Variants in STK4 observed in about 807,000 individuals in gnomAD.
STK4 encodes serine/threonine-protein kinase 4.
STK4 carries 30 observed loss-of-function variants against 64.9 expected under a neutral mutation model. The observed-to-expected ratio is 0.46, with a 90% CI of 0.35 to 0.63. The LOEUF (loss-of-function observed/expected upper bound fraction) is 0.63. STK4 is among the 20% of genes least tolerant of loss of function. The pLI, the probability that STK4 is intolerant of heterozygous loss-of-function variation, is 0.01. For synonymous variants in STK4, 177 were observed against 199.0 expected (o/e 0.89, Z 0.93); for missense variants, 466 against 598.5 (o/e 0.78, Z 2.31).
At chr20:45,017,448 A>T (rs1469918273) in intron 9 of STK4, among the ~76,000 whole-genome samples, 2 of 152,230 alleles carry the variant, frequency 1.3e-5, no homozygotes, top group Non-Finnish European at 2.9e-5. Flanking sequence ...TGACTCAGAT[A>T]TGCAGGAAGG....
intron 4 of STK4, among the ~76,000 whole-genome samples, chr20:44,986,571 A>C (rs1048334703): frequency 1.3e-5 from 2 of 152,218 alleles, no homozygotes; most frequent in African/African-American, 4.8e-5. Context: ...TTACATTTTA[A>C]TTATAGCTTC....
chr20:45,025,738 TG>T (rs1332078105), intron 10 of STK4, among the ~76,000 whole-genome samples: 3 of 152,184 alleles, frequency 2.0e-5, no homozygotes. Context: ...ATTTTCTTCT[TG>T]ACTATTACTA....
At chr20:45,023,932 G>T (rs1235636119) in intron 9 of STK4, among the ~76,000 whole-genome samples, 1 of 122,890 alleles carries the variant, frequency 8.1e-6, no homozygotes, top group Non-Finnish European at 1.6e-5. Context: ...ACAGAGTCTC[G>T]CTCTGTCACC....
chr20:45,014,931 C>A (rs932456663), intron 9 of STK4, among the ~76,000 whole-genome samples: 2 of 152,128 alleles, frequency 1.3e-5, no homozygotes, highest in South Asian at 2.1e-4. Context: ...GATGATGATT[C>A]CTCTTTAAAA....
chr20:45,070,621 C>G (rs1979974377), intron 10 of STK4, among the ~76,000 whole-genome samples: 1 of 152,124 alleles, frequency 6.6e-6, no homozygotes, highest in African/African-American at 2.4e-5. Context: ...CGTGGTGGCT[C>G]ACACCTGTAA....
intron 9 of STK4, among the ~76,000 whole-genome samples, chr20:45,023,935 C>CT (rs1314022989): frequency 1.5e-5 from 2 of 132,610 alleles, no homozygotes; most frequent in Non-Finnish European, 3.1e-5. Context: ...GAGTCTCGCT[C>CT]TGTCACCCAG....
intron 5 of STK4, among the ~76,000 whole-genome samples, chr20:44,993,431 T>C (rs773062143): frequency 5.3e-5 from 8 of 152,200 alleles, no homozygotes; most frequent in Non-Finnish European, 1.2e-4. Flanking sequence ...CATTTCTAAT[T>C]GAAATAATCC....
In STK4 at chr20:44,978,675, A is replaced by C. The variant is rs1601188238; in HGVS notation, c.245+104A>C. ...CACATTTACTTAGATATTTTGCAGA[A>C]GGGAGAATTCGATGGAATCACTGTG... On this transcript the variant is annotated intron_variant, in intron 3 of 10. Transcript: ENST00000372806. 16 of 1,296,964 alleles carry C rather than the reference A, an allele frequency of 1.2e-5. No individual in the cohort carries two copies. The East Asian group carries it at 4.0e-4, about 33-fold the overall frequency. 80.3% of individuals were successfully genotyped at this position (1,296,964 alleles called of 1,614,324 possible). A position where few individuals can be genotyped will look rare whatever the true frequency, so the allele number is the denominator to read the frequency against.
At chr20:45,073,545 C>T (rs1015594104) in intron 10 of STK4, among the ~76,000 whole-genome samples, 7 of 152,024 alleles carry the variant, frequency 4.6e-5, no homozygotes, top group Non-Finnish European at 8.8e-5. Flanking sequence ...AGGAAAGGGC[C>T]GAGGATCATG....
chr20:44,997,497 G>C (rs1336541086), intron 7 of STK4, among the ~76,000 whole-genome samples, 191 bp downstream of exon 7: 2 of 152,200 alleles, frequency 1.3e-5, no homozygotes, highest in African/African-American at 2.4e-5. Context: ...TTTGAGGCCA[G>C]CCAGCATGGT....
At chr20:45,013,521 C>T (rs907162544) in intron 9 of STK4, among the ~76,000 whole-genome samples, 24 of 151,852 alleles carry the variant, frequency 1.6e-4, no homozygotes, top group African/African-American at 4.4e-4. Context: ...ATGAGTTATT[C>T]GGAAGTGTTT....
At chr20:45,063,793 C>T (rs1043243327) in intron 10 of STK4, among the ~76,000 whole-genome samples, 3 of 151,184 alleles carry the variant, frequency 2.0e-5, no homozygotes, top group Admixed American at 1.3e-4. Context: ...AGGGGGGGGT[C>T]CAGTGTTTTT....
chr20:45,018,742 T>C (rs77542058), intron 9 of STK4, among the ~76,000 whole-genome samples: 12 of 149,580 alleles, frequency 8.0e-5, no homozygotes, highest in African/African-American at 3.0e-4. Flanking sequence ...TTTTTTTTTT[T>C]AATTTGGAGA....
rs183134629 is a variant in STK4, at chr20:45,031,553, G to A, written c.1305+6423G>A. 7.2e-5 allele frequency among the ~76,000 whole-genome samples: 11 copies of A among 152,174 alleles called. No individual in the cohort carries two copies. The East Asian group carries it at 2.1e-3, about 29-fold the overall frequency. ...ACCGAAAAGTTTAAAACAGAGGAAT[G>A]GAAAAAGATACACTAGGCAAATACT... On this transcript the variant is annotated intron_variant, in intron 10 of 10. Transcript: ENST00000372806.
intron 10 of STK4, among the ~76,000 whole-genome samples, chr20:45,064,639 TTTCAC>T (rs1979410737): frequency 6.6e-6 from 1 of 152,196 alleles, no homozygotes; most frequent in Admixed American, 6.5e-5. Flanking sequence ...AGTAGAGATC[TTTCAC>T]TTCCCTGGTT....
intron 9 of STK4, among the ~76,000 whole-genome samples, chr20:45,021,995 C>T (rs1380705070): frequency 6.6e-6 from 1 of 152,120 alleles, no homozygotes; most frequent in Admixed American, 6.5e-5. Context: ...GTGGTTTTAC[C>T]AAGATCGTGT....
chr20:44,973,667 A>G (rs1185316287), intron 2 of STK4, among the ~76,000 whole-genome samples: 1 of 152,258 alleles, frequency 6.6e-6, no homozygotes, highest in Non-Finnish European at 1.5e-5. Context: ...ACCTGGGTTA[A>G]AATCCTTGCT....
At chr20:44,981,425 G>A (rs1212278332) in intron 3 of STK4, among the ~76,000 whole-genome samples, 2 of 152,098 alleles carry the variant, frequency 1.3e-5, no homozygotes, top group African/African-American at 2.4e-5. Flanking sequence ...AAAGTGTTGG[G>A]ATTACAGGTG....
intron 7 of STK4, 105 bp downstream of exon 7, chr20:44,997,411 G>A (rs968360758): frequency 9.8e-6 from 14 of 1,421,532 alleles, no homozygotes; most frequent in Middle Eastern, 2.0e-4. Flanking sequence ...TATAAGGCAG[G>A]CTGGGTGCAG....
Sources: allele counts gnomAD v4.1 joint callset (sites outside exome capture counted in the v4.1 genomes callset), GRCh38; gene constraint gnomAD v4.1.1; transcripts MANE v1.5; gene names NCBI Gene and HGNC (gene_info 2026-07-23, HGNC 2026-07-21).